The following CSNK2A2 variants were observed in gnomAD, a reference collection of about 807,000 sequenced individuals.
CSNK2A2 encodes the protein casein kinase II subunit alpha'.
A neutral mutation model predicts 54.0 loss-of-function variants in CSNK2A2; 8 were observed. The ratio of observed to expected loss-of-function variants is 0.15; its 90% CI spans 0.09 to 0.27. The LOEUF is 0.27. CSNK2A2 is among the 10% of genes least tolerant of loss of function. The probability of loss-of-function intolerance (pLI) is 1.00; values close to 1 mark genes in which losing one functional copy is unlikely to be tolerated. For missense variants in CSNK2A2, 242 were observed against 439.4 expected (o/e 0.55, Z 4.02); for synonymous variants, 141 against 153.9 (o/e 0.92, Z 0.62).
intron 4 of CSNK2A2, among the ~76,000 whole-genome samples, chr16:58,180,928 C>T (rs941259198): frequency 6.6e-6 from 1 of 152,150 alleles, no homozygotes; most frequent in South Asian, 2.1e-4. Flanking sequence ...GACATCACGA[C>T]GGTGAACTAA....
chr16:58,191,239 T>C (rs1962313988), intron 2 of CSNK2A2, among the ~76,000 whole-genome samples: 1 of 152,236 alleles, frequency 6.6e-6, no homozygotes, highest in African/African-American at 2.4e-5. Flanking sequence ...AGTTACTGTT[T>C]AATGGATAGA....
intron 5 of CSNK2A2, among the ~76,000 whole-genome samples, chr16:58,171,975 ATATATTTTTTTTTT>A (rs1349705174): frequency 3.0e-4 from 11 of 36,166 alleles, no homozygotes; most frequent in African/African-American, 1.1e-3. Context: ...ATATATATAT[ATATATTTTTTTTTT>A]TTTTTTTTTT....
intron 8 of CSNK2A2, 75 bp from the exon 9 acceptor site, chr16:58,166,759 G>C (rs1961573833): frequency 2.0e-6 from 2 of 1,025,134 alleles, no homozygotes; most frequent in South Asian, 1.3e-5. Context: ...CTGCACCAAG[G>C]AATCAGAAGA....
intron 5 of CSNK2A2, chr16:58,174,172 T>TA: frequency 3.6e-6 from 1 of 278,538 alleles, no homozygotes; most frequent in African/African-American, 2.2e-5. Context: ...TAGGTATTAA[T>TA]AAAGCAGCAA....
At position 58,157,998 on chromosome 16, in the gene CSNK2A2, T is replaced by C. The variant is rs1190104793; in HGVS notation, c.*373A>G. 2 of 152,552 alleles carry C rather than the reference T, an allele frequency of 1.3e-5. No homozygotes were observed. Among genetic ancestry groups the C allele is most frequent in the Admixed American group, 6.6e-5 (1 of 15,266 alleles). 9.4% of individuals were successfully genotyped at this position (152,552 alleles called of 1,614,324 possible). ...CCACATACTGCGCCCGTCCCCCCAC[T>C]GTGGAGTCTGTGGTCAGCTAGTTAG... On this transcript the variant is annotated 3_prime_UTR_variant, in exon 12 of 12. Coordinates refer to ENST00000262506, the MANE Select transcript of CSNK2A2 (RefSeq NM_001896.4).
intron 4 of CSNK2A2, among the ~76,000 whole-genome samples, chr16:58,176,556 A>C (rs1374149478): frequency 6.6e-6 from 1 of 152,148 alleles, no homozygotes; most frequent in Admixed American, 6.5e-5. Context: ...AAGACTATGC[A>C]GGGTCCACAG....
At chr16:58,164,527 G>C (rs1961505218) in intron 10 of CSNK2A2, among the ~76,000 whole-genome samples, 2 of 152,138 alleles carry the variant, frequency 1.3e-5, no homozygotes, top group South Asian at 2.1e-4. Context: ...TGAGTAAAAA[G>C]AGCCATCAGA....
chr16:58,160,226 C>G (rs943733169), intron 11 of CSNK2A2: 5 of 151,930 alleles, frequency 3.3e-5, no homozygotes, highest in Non-Finnish European at 7.4e-5. Context: ...CAAACTTTGG[C>G]TTCTTGTGTG....
intron 6 of CSNK2A2, among the ~76,000 whole-genome samples, chr16:58,168,251 T>A (rs1033380025): frequency 1.3e-5 from 2 of 150,380 alleles, no homozygotes; most frequent in Non-Finnish European, 3.0e-5. Context: ...GCCAACAGAG[T>A]TGGATATCAA....
At chr16:58,188,574 A>C (rs1403561807) in intron 2 of CSNK2A2, among the ~76,000 whole-genome samples, 1 of 152,246 alleles carries the variant, frequency 6.6e-6, no homozygotes, top group Admixed American at 6.5e-5. Flanking sequence ...TTCCTTTGCT[A>C]TAAAGAACAT....
At chr16:58,172,054 TC>T in intron 5 of CSNK2A2, among the ~76,000 whole-genome samples, 1 of 144,690 alleles carries the variant, frequency 6.9e-6, no homozygotes, top group South Asian at 2.2e-4. Context: ...ACTCCTGAGC[TC>T]AAGCAATCAA....
At chr16:58,187,918 C>T (rs1038440927) in intron 2 of CSNK2A2, among the ~76,000 whole-genome samples, 16 of 151,878 alleles carry the variant, frequency 1.1e-4, no homozygotes, top group Admixed American at 4.6e-4. Context: ...ACGGGAGAAA[C>T]GTAACTAAGG....
At chr16:58,167,384 G>A (rs1259302948) in intron 7 of CSNK2A2, 76 bp from the exon 8 acceptor site, 12 of 1,135,370 alleles carry the variant, frequency 1.1e-5, no homozygotes, top group East Asian at 5.0e-5. Flanking sequence ...TTTTTTAGAC[G>A]AGATTGGGCG....
chr16:58,161,442 ATGAGTT>A (rs1304819233), intron 11 of CSNK2A2: 8 of 152,258 alleles, frequency 5.3e-5, no homozygotes, highest in Admixed American at 1.3e-4. Context: ...AAGTACTGAG[ATGAGTT>A]TAAGAAAGAA....
At chr16:58,182,167 C>T (rs1313729482) in intron 4 of CSNK2A2, among the ~76,000 whole-genome samples, 2 of 150,058 alleles carry the variant, frequency 1.3e-5, no homozygotes, top group African/African-American at 2.4e-5. Context: ...GAGAATTTCT[C>T]TAAGAATTAG....
chr16:58,189,468 G>A (rs995083287), intron 2 of CSNK2A2, among the ~76,000 whole-genome samples: 4 of 152,108 alleles, frequency 2.6e-5, no homozygotes, highest in African/African-American at 9.7e-5. Flanking sequence ...ACTCCTTACA[G>A]GCACAACCCA....
Position 58,177,894 on chromosome 16 carries a change from T to G in CSNK2A2, c.370-3384A>C, listed in dbSNP as rs141783517. ...TCCAGAATAAAACCGAGGTCAACGT[T>G]TTTAGAAATTTAAGGAAGTAGAATA... On this transcript the variant is annotated intron_variant, in intron 4 of 11. Coordinates refer to ENST00000262506, the MANE Select transcript of CSNK2A2 (RefSeq NM_001896.4). Among the ~76,000 whole-genome samples the G allele has an allele frequency of 6.6e-4, 100 of 152,306 alleles. 1 individual carries two copies. In the East Asian group the frequency reaches 0.017, roughly 26 times the overall value.
intron 5 of CSNK2A2, among the ~76,000 whole-genome samples, chr16:58,172,943 A>G (rs1342836921): frequency 2.0e-5 from 3 of 152,216 alleles, no homozygotes; most frequent in Non-Finnish European, 4.4e-5. Context: ...TATGGGACCT[A>G]AGGGCAGGCT....
intron 2 of CSNK2A2, 43 bp downstream of exon 2, chr16:58,196,690 C>A: frequency 1.5e-6 from 2 of 1,291,818 alleles, no homozygotes; most frequent in Non-Finnish European, 2.3e-6. Context: ...AACTTTTGCC[C>A]TGTGGGGAGG....
Sources: gnomAD v4.1 joint callset for allele counts (sites outside exome capture counted in the v4.1 genomes callset) on GRCh38, gnomAD v4.1.1 for gene constraint, MANE v1.5 for transcripts, NCBI Gene and HGNC (gene_info 2026-07-23, HGNC 2026-07-21) for gene names.